LARGE1: variants seen among roughly 807,000 people sequenced by gnomAD.
The protein encoded by LARGE1 is LARGE xylosyl- and glucuronyltransferase 1, also known as xylosyl- and glucuronyltransferase LARGE1.
In LARGE1, 43 loss-of-function variants were observed where a neutral mutation model predicts 87.6. The ratio of observed to expected loss-of-function variants is 0.49; its 90% CI spans 0.38 to 0.63. The LOEUF (loss-of-function observed/expected upper bound fraction) is 0.63, where lower values mean the gene tolerates loss of function less well. Ranked by LOEUF, LARGE1 falls within the 30% of genes least tolerant of loss-of-function variation. The pLI, the probability that LARGE1 is intolerant of heterozygous loss-of-function variation, is 0.00. For missense variants in LARGE1, 802 were observed against 1,000.2 expected, an observed-to-expected ratio of 0.80 and a Z score of 2.67; for synonymous variants, 434 against 394.6, an observed-to-expected ratio of 1.10 and a Z score of -1.18.
chr22:33,862,065 T>C (rs1568994982), intron 1 of LARGE1, among the ~76,000 whole-genome samples: 1 of 151,926 alleles, frequency 6.6e-6, no homozygotes, highest in Admixed American at 6.6e-5. Context: ...CTCACCATGT[T>C]GGCCAGGCTG....
intron 3 of LARGE1, among the ~76,000 whole-genome samples, chr22:33,649,659 G>A (rs1326355602): frequency 6.6e-6 from 1 of 152,068 alleles, no homozygotes; most frequent in East Asian, 1.9e-4. Context: ...ATTCAGTCTC[G>A]CCCATCTCTC....
intron 1 of LARGE1, among the ~76,000 whole-genome samples, chr22:33,805,837 G>A (rs1221297296): frequency 6.6e-6 from 1 of 152,036 alleles, no homozygotes; most frequent in Non-Finnish European, 1.5e-5. Context: ...TCTTCCAATT[G>A]TTTTCTTCCA....
rs186688020 is a variant in LARGE1 at position 33,177,112 on chromosome 22, A to T, written c.1731-10280T>A. Among the ~76,000 whole-genome samples, 963 of 152,308 alleles carry T rather than the reference A, an allele frequency of 6.3e-3. 5 individuals carry two copies. Among genetic ancestry groups the T allele is most frequent in the Admixed American group, 0.011 (167 of 15,286 alleles). Reference sequence around the variant, plus strand: ...TGTAAGTGGGAGTTGAACAATGAGAACACACGGACACAGGGAGAGGAACAT... The same window carrying T: ...TGTAAGTGGGAGTTGAACAATGAGATCACACGGACACAGGGAGAGGAACAT... On this transcript the variant is annotated intron_variant, in intron 11 of 11. Transcript: ENST00000608642.
Position 33,700,895 on chromosome 22 carries a change from C to T in LARGE1, c.107-50227G>A, listed in dbSNP as rs146802359. ...ACAAGGCATGAGAGACCTGGAGGGACAGGAGGGTGTAGCCCGAGAGTGGAT... is the reference window on the plus strand; with the variant it reads ...ACAAGGCATGAGAGACCTGGAGGGATAGGAGGGTGTAGCCCGAGAGTGGAT... On this transcript the variant is annotated intron_variant, in intron 2 of 14. Coordinates refer to ENST00000397394, the MANE Select transcript of LARGE1 (RefSeq NM_133642.5). Among the ~76,000 whole-genome samples the T allele has an allele frequency of 6.6e-5, 10 of 152,290 alleles. No individual in the cohort carries two copies. The East Asian group carries it at 1.9e-3, about 29-fold the overall frequency.
intron 6 of LARGE1, among the ~76,000 whole-genome samples, chr22:33,506,528 C>T (rs1264320735): frequency 6.6e-6 from 1 of 152,206 alleles, no homozygotes; most frequent in Non-Finnish European, 1.5e-5. Flanking sequence ...CACAGATGTT[C>T]TCTTTCTTAC....
intron 6 of LARGE1, among the ~76,000 whole-genome samples, chr22:33,521,905 G>A (rs2148510739): frequency 1.3e-5 from 2 of 152,284 alleles, no homozygotes; most frequent in Middle Eastern, 6.8e-3. Flanking sequence ...TCTATTTCTG[G>A]TGAGGGCCTC....
At chr22:33,387,358 C>T (rs543783412) in intron 7 of LARGE1, among the ~76,000 whole-genome samples, 12 of 138,532 alleles carry the variant, frequency 8.7e-5, no homozygotes, top group African/African-American at 3.1e-4. Context: ...ACCCAGGAGA[C>T]GGAGGATGCG....
At chr22:33,503,238 T>TCC (rs1449370214) in intron 6 of LARGE1, among the ~76,000 whole-genome samples, 4 of 149,452 alleles carry the variant, frequency 2.7e-5, no homozygotes, top group African/African-American at 1.0e-4. Context: ...GTTTAGGAGT[T>TCC]CCCCTTTTTT....
intron 10 of LARGE1, among the ~76,000 whole-genome samples, chr22:33,332,088 G>A (rs1937790730): frequency 6.6e-6 from 1 of 152,120 alleles, no homozygotes; most frequent in Non-Finnish European, 1.5e-5. Context: ...CACTAGCCCT[G>A]TGTCTGGCGA....
intron 1 of LARGE1, among the ~76,000 whole-genome samples, chr22:33,777,787 C>T (rs994281686): frequency 6.6e-6 from 1 of 152,086 alleles, no homozygotes; most frequent in African/African-American, 2.4e-5. Flanking sequence ...ACAAGAACGG[C>T]TTGTTTAGGT....
intron 11 of LARGE1, among the ~76,000 whole-genome samples, chr22:33,234,113 A>G (rs1273833346): frequency 6.6e-6 from 1 of 152,250 alleles, no homozygotes; most frequent in Non-Finnish European, 1.5e-5. Flanking sequence ...TTACATATCC[A>G]GCATGTGTCA....
At chr22:33,784,129 T>TC (rs1219658372) in intron 1 of LARGE1, among the ~76,000 whole-genome samples, 1 of 152,240 alleles carries the variant, frequency 6.6e-6, no homozygotes, top group East Asian at 1.9e-4. Flanking sequence ...TTAATTAGAA[T>TC]GGCTTTTCGT....
intron 11 of LARGE1, among the ~76,000 whole-genome samples, chr22:33,250,714 A>G (rs1245222604): frequency 2.6e-5 from 4 of 152,128 alleles, no homozygotes; most frequent in Non-Finnish European, 5.9e-5. Flanking sequence ...ATCATGATTG[A>G]CTTTTGGATT....
At chr22:33,742,779 A>T (rs1439249927) in intron 2 of LARGE1, among the ~76,000 whole-genome samples, 1 of 152,126 alleles carries the variant, frequency 6.6e-6, no homozygotes, top group African/African-American at 2.4e-5. Context: ...CTTTCCAAAT[A>T]ATGTCTTTTT....
chr22:33,098,107 C>T, the LARGE1 span, among the ~76,000 whole-genome samples: 1 of 152,104 alleles, frequency 6.6e-6, no homozygotes, highest in Non-Finnish European at 1.5e-5. Flanking sequence ...AGAAGTTTGA[C>T]ACCAGCCTGG....
chr22:33,722,931 G>A (rs1378128661), intron 2 of LARGE1, among the ~76,000 whole-genome samples: 3 of 152,118 alleles, frequency 2.0e-5, no homozygotes, highest in Non-Finnish European at 2.9e-5. Flanking sequence ...TTTTGATGAC[G>A]TTGTAAAGGG....
intron 2 of LARGE1, among the ~76,000 whole-genome samples, chr22:33,675,369 A>G (rs1344617212): frequency 6.7e-6 from 1 of 149,686 alleles, no homozygotes; most frequent in Non-Finnish European, 1.5e-5. Flanking sequence ...GGCATGCCTG[A>G]GAAAGTGAGA....
intron 5 of LARGE1, among the ~76,000 whole-genome samples, chr22:33,592,099 A>G (rs1002919154): frequency 8.0e-5 from 3 of 37,400 alleles, no homozygotes; most frequent in African/African-American, 2.2e-4. Flanking sequence ...AGGGGAGGGG[A>G]GGGAAGGGGG....
At chr22:33,471,768 C>T (rs1386881865) in intron 6 of LARGE1, among the ~76,000 whole-genome samples, 1 of 152,132 alleles carries the variant, frequency 6.6e-6, no homozygotes, top group African/African-American at 2.4e-5. Flanking sequence ...GGCGCGGTGG[C>T]TCACCCCTGT....
Sources: gnomAD v4.1 joint callset for allele counts (sites outside exome capture counted in the v4.1 genomes callset) on GRCh38, gnomAD v4.1.1 for gene constraint, MANE v1.5 for transcripts, NCBI Gene and HGNC (gene_info 2026-07-23, HGNC 2026-07-21) for gene names.